Variants in CDC42EP3 observed in about 807,000 individuals in gnomAD.
The protein encoded by CDC42EP3 is CDC42 effector protein (Rho GTPase binding) 3.
In CDC42EP3, 4 loss-of-function variants were observed where a neutral mutation model predicts 15.5. The ratio of observed to expected loss-of-function variants is 0.26; its 90% CI spans 0.13 to 0.59. The LOEUF (loss-of-function observed/expected upper bound fraction) is 0.59. Ranked by LOEUF, CDC42EP3 falls within the 20% of genes least tolerant of loss-of-function variation. The pLI, the probability that CDC42EP3 is intolerant of heterozygous loss-of-function variation, is 0.89. For missense variants in CDC42EP3, 309 were observed against 311.2 expected (o/e 0.99, Z 0.05); for synonymous variants, 145 against 130.3 (o/e 1.11, Z -0.77).
chr2:37,666,935 G>T (rs760120292), intron 1 of CDC42EP3, among the ~76,000 whole-genome samples: 4 of 152,044 alleles, frequency 2.6e-5, no homozygotes, highest in Non-Finnish European at 5.9e-5. Flanking sequence ...GACAGGAGAA[G>T]ATTTCAAATG....
intron 1 of CDC42EP3, among the ~76,000 whole-genome samples, chr2:37,650,560 T>C (rs1268611124): frequency 2.0e-5 from 3 of 152,238 alleles, no homozygotes; most frequent in African/African-American, 4.8e-5. Flanking sequence ...TTACTGTGAC[T>C]ATCCTCATTT....
At chr2:37,654,320 G>A (rs937792933) in intron 1 of CDC42EP3, among the ~76,000 whole-genome samples, 1 of 152,158 alleles carries the variant, frequency 6.6e-6, no homozygotes, top group Non-Finnish European at 1.5e-5. Context: ...GAAGGAGCTC[G>A]ATTAGGACAT....
At position 37,645,522 on chromosome 2, in the gene CDC42EP3, A is replaced by T. The variant is rs987682515; in HGVS notation, c.*301T>A. ...GCTCAGCCCTTCATAGCTAGTGCCA[A>T]TCCTGGCCAAGCCAGATTTCTTGTG... On this transcript the variant is annotated 3_prime_UTR_variant, in exon 2 of 2. Transcript: ENST00000295324. 3 of 240,214 alleles carry T rather than the reference A, an allele frequency of 1.2e-5. No individual in the cohort carries two copies. Among genetic ancestry groups the T allele is most frequent in the African/African-American group, 6.8e-5 (3 of 44,336 alleles). 14.9% of individuals were successfully genotyped at this position (240,214 alleles called of 1,614,324 possible).
At chr2:37,672,463 C>G (rs1388885068), upstream of CDC42EP3, 1 of 152,182 alleles carries the variant, frequency 6.6e-6, no homozygotes, top group Non-Finnish European at 1.5e-5. Flanking sequence ...AGTGGCGCAG[C>G]TGCCGGCCCG....
At chr2:37,670,832 TTGTC>T (rs955194515) in intron 1 of CDC42EP3, among the ~76,000 whole-genome samples, 1 of 152,196 alleles carries the variant, frequency 6.6e-6, no homozygotes, top group Non-Finnish European at 1.5e-5. Flanking sequence ...TGTCTGATAC[TTGTC>T]TGTGTCAAGC....
At chr2:37,654,912 G>A (rs145872048) in intron 1 of CDC42EP3, among the ~76,000 whole-genome samples, 26 of 151,976 alleles carry the variant, frequency 1.7e-4, no homozygotes, top group African/African-American at 6.0e-4. Flanking sequence ...AAAATTGAAG[G>A]GGAAAAAAAC....
At chr2:37,647,193 G>A (rs1237211782) in intron 1 of CDC42EP3, among the ~76,000 whole-genome samples, 2 of 152,190 alleles carry the variant, frequency 1.3e-5, no homozygotes, top group Non-Finnish European at 1.5e-5. Context: ...GTGCATACTA[G>A]CAACACTAAT....
chr2:37,670,256 G>A (rs946133248), intron 1 of CDC42EP3, among the ~76,000 whole-genome samples: 3 of 152,002 alleles, frequency 2.0e-5, no homozygotes, highest in Non-Finnish European at 2.9e-5. Flanking sequence ...CCTAATTTTT[G>A]TTCCTTTTAA....
At chr2:37,653,408 C>A (rs545240289) in intron 1 of CDC42EP3, among the ~76,000 whole-genome samples, 1 of 152,056 alleles carries the variant, frequency 6.6e-6, no homozygotes. Flanking sequence ...CTGACTGAAG[C>A]GTAAATGACA....
chr2:37,667,122 G>A (rs559694103), intron 1 of CDC42EP3, among the ~76,000 whole-genome samples: 5 of 151,882 alleles, frequency 3.3e-5, no homozygotes, highest in Non-Finnish European at 5.9e-5. Context: ...TGGGTTTTCC[G>A]GGGCAAGCAG....
At position 37,644,692 on chromosome 2, in the gene CDC42EP3, C is replaced by G. The variant is rs1164706717; in HGVS notation, c.*1131G>C. ...AAAGTAGAGAGGCTCAGTTTCTAGC[C>G]TCTCAAACCATAAGGAAGTAATCAA... On this transcript the variant is annotated 3_prime_UTR_variant, in exon 2 of 2. Coordinates refer to ENST00000295324, the MANE Select transcript of CDC42EP3 (RefSeq NM_006449.5). 6.6e-6 allele frequency: 1 copy of G among 151,680 alleles called. No homozygotes were observed. Among genetic ancestry groups the G allele is most frequent in the Admixed American group, 6.6e-5 (1 of 15,232 alleles). The allele number at this position is 151,680 out of a possible 1,614,324, so 9.4% of individuals were successfully genotyped here.
chr2:37,666,667 CT>C (rs35497526), intron 1 of CDC42EP3, among the ~76,000 whole-genome samples: 81 of 152,240 alleles, frequency 5.3e-4, no homozygotes, highest in Non-Finnish European at 9.4e-4. Flanking sequence ...AAATAGTAAT[CT>C]TTTAAATCTC....
At chr2:37,661,574 G>C (rs958144328) in intron 1 of CDC42EP3, among the ~76,000 whole-genome samples, 1 of 152,178 alleles carries the variant, frequency 6.6e-6, no homozygotes, top group Non-Finnish European at 1.5e-5. Context: ...TAGAAGTCCT[G>C]CTTTTGGGTT....
intron 1 of CDC42EP3, among the ~76,000 whole-genome samples, chr2:37,654,812 G>A (rs1209353368): frequency 1.3e-5 from 2 of 152,088 alleles, no homozygotes; most frequent in Non-Finnish European, 2.9e-5. Flanking sequence ...CCAATCTTTG[G>A]GATCAGAAAC....
chr2:37,656,979 G>GCCCCCC (rs796652094), intron 1 of CDC42EP3, among the ~76,000 whole-genome samples: 30 of 79,798 alleles, frequency 3.8e-4, no homozygotes, highest in African/African-American at 8.4e-4. Context: ...AAGTAACAAA[G>GCCCCCC]CCCCCCCCCC....
Position 37,643,562 on chromosome 2 carries a change from C to G in CDC42EP3, c.*2261G>C, listed in dbSNP as rs1269581369. 6.6e-6 allele frequency: 1 copy of G among 152,158 alleles called. No homozygotes were observed. The highest frequency in any genetic ancestry group is 6.5e-5 in the Admixed American group (1 of 15,278). The allele number at this position is 152,158 out of a possible 1,614,324, so 9.4% of individuals were successfully genotyped here. A position where few individuals can be genotyped will look rare whatever the true frequency, so the allele number is the denominator to read the frequency against. On this transcript the variant is annotated 3_prime_UTR_variant, in exon 2 of 2. Coordinates refer to ENST00000295324, the MANE Select transcript of CDC42EP3 (RefSeq NM_006449.5). ...GGGCTGTTCTCTCCCCAGTACTTAC[C>G]AGAGAGGGAGTAGAGCTAATGCACA...
At chr2:37,666,374 T>C (rs780311646) in intron 1 of CDC42EP3, among the ~76,000 whole-genome samples, 13 of 152,230 alleles carry the variant, frequency 8.5e-5, no homozygotes, top group Non-Finnish European at 1.6e-4. Context: ...AGAATACTTT[T>C]ATGACATTCA....
chr2:37,656,098 T>G (rs1665837386), intron 1 of CDC42EP3, among the ~76,000 whole-genome samples: 1 of 152,230 alleles, frequency 6.6e-6, no homozygotes, highest in Non-Finnish European at 1.5e-5. Context: ...CATGCTATTC[T>G]GCCACCCTGC....
intron 1 of CDC42EP3, among the ~76,000 whole-genome samples, chr2:37,665,348 C>T (rs915478702): frequency 1.3e-5 from 2 of 152,056 alleles, no homozygotes; most frequent in Non-Finnish European, 2.9e-5. Flanking sequence ...TGGAGCCTGC[C>T]CAGAGAAGGG....
Sources: allele counts gnomAD v4.1 joint callset (sites outside exome capture counted in the v4.1 genomes callset), GRCh38; gene constraint gnomAD v4.1.1; transcripts MANE v1.5; gene names NCBI Gene and HGNC (gene_info 2026-07-23, HGNC 2026-07-21).